PDE4D: variants seen among roughly 807,000 people sequenced by gnomAD.
PDE4D encodes the protein 3',5'-cyclic-AMP phosphodiesterase 4D.
Under a neutral mutation model 87.4 loss-of-function variants are expected in PDE4D, and 24 were observed. That is an observed-to-expected ratio of 0.27 (90% CI 0.20 to 0.39). The LOEUF is 0.39. Among genes scored for constraint, PDE4D ranks in the 10% least tolerant of loss-of-function variants. PDE4D has a pLI of 1.00. For synonymous variants in PDE4D, 384 were observed against 383.2 expected (o/e 1.00, Z -0.02); for missense variants, 714 against 1,041.0 (o/e 0.69, Z 4.32).
chr5:59,821,407 A>G (rs1769649894), intron 1 of PDE4D, among the ~76,000 whole-genome samples: 1 of 152,272 alleles, frequency 6.6e-6, no homozygotes, highest in African/African-American at 2.4e-5. Context: ...TATTTAAAAT[A>G]TCTCATTTTT....
At chr5:59,971,101 G>T (rs371377708) in intron 3 of PDE4D, among the ~76,000 whole-genome samples, 1 of 150,242 alleles carries the variant, frequency 6.7e-6, no homozygotes, top group Admixed American at 6.7e-5. Flanking sequence ...GTAAACTATC[G>T]CAAGAACAAA....
chr5:60,190,981 C>T (rs879311403), intron 1 of PDE4D, among the ~76,000 whole-genome samples: 1 of 152,186 alleles, frequency 6.6e-6, no homozygotes, highest in African/African-American at 2.4e-5. Context: ...AGGCTGGTCT[C>T]ATCTCTGCCG....
chr5:59,048,024 A>C (rs1371003830), intron 5 of PDE4D, among the ~76,000 whole-genome samples: 1 of 152,202 alleles, frequency 6.6e-6, no homozygotes, highest in Non-Finnish European at 1.5e-5. Flanking sequence ...TTGTTATAGC[A>C]GCTTGAGCTA....
chr5:59,219,692 A>C (rs1752037271), intron 1 of PDE4D, among the ~76,000 whole-genome samples: 1 of 152,204 alleles, frequency 6.6e-6, no homozygotes, highest in Non-Finnish European at 1.5e-5. Flanking sequence ...AGAAAATAAA[A>C]GCAGCAAAAC....
At chr5:60,362,739 G>A (rs539575664) in intron 1 of PDE4D, among the ~76,000 whole-genome samples, 94 of 152,004 alleles carry the variant, frequency 6.2e-4, no homozygotes, top group Non-Finnish European at 1.0e-4. Context: ...GGCATTTGTA[G>A]TCCCAGCTAC....
intron 1 of PDE4D, among the ~76,000 whole-genome samples, chr5:60,464,739 AC>A (rs1747212187): frequency 2.6e-5 from 4 of 152,158 alleles, no homozygotes; most frequent in Admixed American, 2.0e-4. Context: ...TAAACATGGT[AC>A]CCAAATTTCC....
intron 1 of PDE4D, among the ~76,000 whole-genome samples, chr5:59,408,908 C>A (rs370961780): frequency 6.8e-4 from 103 of 152,026 alleles, no homozygotes; most frequent in African/African-American, 2.4e-3. Flanking sequence ...GCACTTTGGG[C>A]GGCTGAGACA....
At chr5:60,158,857 C>T (rs1185584434) in intron 2 of PDE4D, among the ~76,000 whole-genome samples, 2 of 152,240 alleles carry the variant, frequency 1.3e-5, no homozygotes, top group African/African-American at 4.8e-5. Flanking sequence ...GCGTGAGCCA[C>T]CGCGCCAGGC....
rs1431074293 is a variant in PDE4D at position 59,031,392 on chromosome 5, T to TATA, written c.921+7466_921+7467insTAT. 4.7e-3 allele frequency among the ~76,000 whole-genome samples: 161 copies of TATA among 34,252 alleles called. 1 individual carries two copies. The highest frequency in any genetic ancestry group is 0.024 in the African/African-American group (154 of 6,368). 22.5% of individuals were successfully genotyped at this position (34,252 alleles called of 152,430 possible). Reference sequence around the variant, plus strand: ...ATATATATATATATATATATATATATTATATATATATATATATATATATAG... The same window carrying TATA: ...ATATATATATATATATATATATATATATATATATATATATATATATATATATAG... On this transcript the variant is annotated intron_variant, in intron 6 of 14. Transcript: ENST00000340635.
At chr5:60,368,524 G>A (rs945807888) in intron 1 of PDE4D, among the ~76,000 whole-genome samples, 8 of 152,174 alleles carry the variant, frequency 5.3e-5, no homozygotes, top group Non-Finnish European at 1.0e-4. Flanking sequence ...AGAAAGCAGT[G>A]CTTTCCTTTG....
intron 2 of PDE4D, among the ~76,000 whole-genome samples, chr5:60,145,523 C>T (rs970605006): frequency 6.6e-6 from 1 of 152,214 alleles, no homozygotes; most frequent in African/African-American, 2.4e-5. Context: ...TTTTACTTCA[C>T]AAACCTTGTT....
At chr5:59,918,714 G>C (rs1754341895) in intron 3 of PDE4D, among the ~76,000 whole-genome samples, 1 of 152,142 alleles carries the variant, frequency 6.6e-6, no homozygotes, top group Non-Finnish European at 1.5e-5. Flanking sequence ...TCTGATATAA[G>C]TAACAGCCAC....
At chr5:60,343,637 A>T (rs1490652183) in intron 1 of PDE4D, among the ~76,000 whole-genome samples, 1 of 151,824 alleles carries the variant, frequency 6.6e-6, no homozygotes, top group African/African-American at 2.4e-5. Context: ...TTGTCAGTTG[A>T]CTTCTGGCTG....
chr5:59,418,538 C>T (rs1793981885), intron 1 of PDE4D, among the ~76,000 whole-genome samples: 1 of 152,160 alleles, frequency 6.6e-6, no homozygotes, highest in Non-Finnish European at 1.5e-5. Flanking sequence ...CTCAGAGCTG[C>T]CAAAATATTT....
At chr5:59,867,063 T>A (rs1169670527) in intron 1 of PDE4D, among the ~76,000 whole-genome samples, 1 of 152,126 alleles carries the variant, frequency 6.6e-6, no homozygotes, top group African/African-American at 2.4e-5. Context: ...AAACTGGAAG[T>A]CAGACTAGAT....
chr5:59,152,912 G>C (rs919353309), intron 5 of PDE4D, among the ~76,000 whole-genome samples: 1 of 152,058 alleles, frequency 6.6e-6, no homozygotes, highest in Non-Finnish European at 1.5e-5. Flanking sequence ...AACATAAAAG[G>C]AAAGCACTGT....
At chr5:58,989,032 A>G (rs1334012442) in intron 10 of PDE4D, among the ~76,000 whole-genome samples, 1 of 152,128 alleles carries the variant, frequency 6.6e-6, no homozygotes. Context: ...TTTGCGTGGG[A>G]GGCTGTCCTG....
intron 1 of PDE4D, among the ~76,000 whole-genome samples, chr5:59,276,868 T>C (rs1457657159): frequency 6.6e-6 from 1 of 152,096 alleles, no homozygotes; most frequent in Non-Finnish European, 1.5e-5. Flanking sequence ...AAATATTTTC[T>C]ATTACAGTAG....
At chr5:59,422,919 T>G (rs1290148039) in intron 1 of PDE4D, among the ~76,000 whole-genome samples, 2 of 152,234 alleles carry the variant, frequency 1.3e-5, no homozygotes, top group African/African-American at 4.8e-5. Context: ...AAATATTACC[T>G]ATTGTTTATT....
Sources: allele counts gnomAD v4.1 joint callset (sites outside exome capture counted in the v4.1 genomes callset), GRCh38; gene constraint gnomAD v4.1.1; transcripts MANE v1.5; gene names NCBI Gene and HGNC (gene_info 2026-07-23, HGNC 2026-07-21).